The following USF3 variants were observed in gnomAD, a reference collection of about 807,000 sequenced individuals.
USF3 encodes upstream transcription factor family member 3, also known as basic helix-loop-helix domain-containing protein USF3.
USF3 carries 29 observed loss-of-function variants against 157.5 expected under a neutral mutation model. That is an observed-to-expected ratio of 0.18 (90% CI 0.14 to 0.25). The LOEUF is 0.25. Ranked by LOEUF, USF3 falls within the 10% of genes least tolerant of loss-of-function variation. The probability of loss-of-function intolerance (pLI) is 1.00; values close to 1 mark genes in which losing one functional copy is unlikely to be tolerated. For missense variants in USF3, 2,381 were observed against 2,667.6 expected, an observed-to-expected ratio of 0.89 and a Z score of 2.37; for synonymous variants, 893 against 941.4, an observed-to-expected ratio of 0.95 and a Z score of 0.94.
In USF3 at chr3:113,661,241, A is replaced by T. The variant is rs779823431; in HGVS notation, c.441T>A (p.Ile147=). 1.2e-6 allele frequency: 2 copies of T among 1,613,902 alleles called. No individual in the cohort carries two copies. Among genetic ancestry groups the T allele is most frequent in the South Asian group, 2.2e-5 (2 of 91,026 alleles). ...VIPSDQVQKK[I]IVYSNGNQPG... ...GCTGATTCCCGTTGGAATAAACAATAATTTTTTTTTGAACCTGGTCACTAG... is the reference window on the plus strand; with the variant it reads ...GCTGATTCCCGTTGGAATAAACAATTATTTTTTTTTGAACCTGGTCACTAG... The change falls in exon 7 of 7, where the codon ATT becomes ATA. Residue 147 remains isoleucine (I), a synonymous_variant. Coordinates refer to ENST00000316407, the MANE Select transcript of USF3 (RefSeq NM_001009899.4).
chr3:113,670,546 G>C (rs1186254057), intron 4 of USF3, among the ~76,000 whole-genome samples: 1 of 151,938 alleles, frequency 6.6e-6, no homozygotes, highest in Non-Finnish European at 1.5e-5. Context: ...GCTGCAGTGC[G>C]CTGAGATCAT....
In USF3 at chr3:113,659,207, G is replaced by C; in HGVS notation, c.2475C>G (p.Cys825Trp). ...NSVRDVSKLD[C>W]PNTEGSAEPP... ...GCTCTGCTGAGCCTTCAGTGTTGGG[G>C]CAGTCTAACTTGCTCACATCTCTGA... Residue 825 changes from cysteine (C) to tryptophan (W), a missense_variant, in exon 7 of 7, where the codon TGC becomes TGG. This residue lies in a region of USF3 where 1,435 missense variants were observed against 1,550.9 expected (regional missense o/e 0.93). Transcript: ENST00000316407. 1 of 1,614,150 alleles carries C rather than the reference G, an allele frequency of 6.2e-7. No individual in the cohort carries two copies. The highest frequency in any genetic ancestry group is 8.5e-7 in the Non-Finnish European group (1 of 1,180,012).
chr3:113,690,078 C>A (rs901723840), intron 1 of USF3, among the ~76,000 whole-genome samples: 1 of 152,172 alleles, frequency 6.6e-6, no homozygotes, highest in African/African-American at 2.4e-5. Flanking sequence ...GCATTTTGAA[C>A]AAATTAACAA....
rs996773885 is a variant in USF3 at position 113,659,363 on chromosome 3, A to G, written c.2319T>C (p.Tyr773=). 5 of 1,614,070 alleles carry G rather than the reference A, an allele frequency of 3.1e-6. No homozygotes were observed. The highest frequency in any genetic ancestry group is 4.5e-5 in the East Asian group (2 of 44,904). ...TCATTGAGGAAGTACTCACTAGATTATAAGTACTAGCTAGTGTGGCTGAAC... is the reference window on the plus strand; with the variant it reads ...TCATTGAGGAAGTACTCACTAGATTGTAAGTACTAGCTAGTGTGGCTGAAC... The part of the protein sequence containing the change: ...TDSSATLAST[Y]NLVSTSSMNT... Residue 773 remains tyrosine, a synonymous_variant, in exon 7 of 7, where the codon TAT becomes TAC. Coordinates refer to ENST00000316407, the MANE Select transcript of USF3 (RefSeq NM_001009899.4).
At chr3:113,694,329 T>G (rs1242846386) in intron 1 of USF3, among the ~76,000 whole-genome samples, 1 of 152,226 alleles carries the variant, frequency 6.6e-6, no homozygotes, top group Non-Finnish European at 1.5e-5. Flanking sequence ...AAGGCTAAGC[T>G]CTGAAAATAG....
At chr3:113,676,845 C>A (rs1707293870) in intron 2 of USF3, among the ~76,000 whole-genome samples, 1 of 151,970 alleles carries the variant, frequency 6.6e-6, no homozygotes, top group South Asian at 2.1e-4. Context: ...CTCAGAATCT[C>A]AGATGCTTCA....
intron 1 of USF3, among the ~76,000 whole-genome samples, chr3:113,693,515 G>A (rs9851812): frequency 0.33 from 49,720 of 152,050 alleles, 8,165 homozygotes; most frequent in Non-Finnish European, 0.35. Flanking sequence ...AAGGTATGAT[G>A]AAGCTACTAA....
chr3:113,678,791 A>G (rs1181574968), intron 1 of USF3, among the ~76,000 whole-genome samples: 1 of 152,168 alleles, frequency 6.6e-6, no homozygotes, highest in African/African-American at 2.4e-5. Flanking sequence ...TTTGTCATCC[A>G]GGCTGGTGTG....
chr3:113,654,864 TCATGTACATGTCTGTGCA>T lies in USF3; in HGVS notation c.*62_*79del. 7.0e-7 allele frequency: 1 copy of T among 1,429,174 alleles called. No homozygotes were observed. Among genetic ancestry groups the T allele is most frequent in the South Asian group, 1.4e-5 (1 of 72,666 alleles). The allele number at this position is 1,429,174 out of a possible 1,614,324, so 88.5% of individuals were successfully genotyped here. A position where few individuals can be genotyped will look rare whatever the true frequency, so the allele number is the denominator to read the frequency against. ...AGACACACACACACAATCCTTCTCT[TCATGTACATGTCTGTGCA>T]CATGCACGCACAAATACATTTGTAA... On this transcript the variant is annotated 3_prime_UTR_variant, in exon 7 of 7. Transcript: ENST00000316407.
rs759107626 is a variant in USF3, at chr3:113,655,103, C to T, written c.6579G>A (p.Leu2193=). 73 of 1,614,110 alleles carry T rather than the reference C, an allele frequency of 4.5e-5. No homozygotes were observed. In the Admixed American group the frequency reaches 5.5e-4, roughly 12 times the overall value. The change falls in exon 7 of 7, where the codon TTG becomes TTA. Residue 2193 remains leucine, a synonymous_variant. Transcript: ENST00000316407. Reference sequence around the variant, plus strand: ...GAAGCGCTGTGGCTATTTCTGGAAACAAAGATGTCATATTAAAATTGGATA... The same window carrying T: ...GAAGCGCTGTGGCTATTTCTGGAAATAAAGATGTCATATTAAAATTGGATA... ...SHLSNFNMTS[L]FPEIATALPD...
Position 113,659,085 on chromosome 3 carries a change from G to C in USF3, c.2597C>G (p.Ser866Cys). 6.2e-7 allele frequency: 1 copy of C among 1,614,142 alleles called. No individual in the cohort carries two copies. The highest frequency in any genetic ancestry group is 8.5e-7 in the Non-Finnish European group (1 of 1,179,986). Residue 866 changes from serine to cysteine, a missense_variant, in exon 7 of 7, where the codon TCT (serine) becomes TGT (cysteine). Transcript: ENST00000316407. ...ANSVSVSASHSLGVLSSESLI... is the reference protein window; with the variant it reads ...ANSVSVSASHCLGVLSSESLI... ...TGATTCAGAGCTTAGAACACCCAAA[G>C]AATGTGAAGCAGAAACACTCACACT...
intron 1 of USF3, among the ~76,000 whole-genome samples, chr3:113,683,607 T>C (rs1707485525): frequency 6.6e-6 from 1 of 151,748 alleles, no homozygotes; most frequent in Non-Finnish European, 1.5e-5. Context: ...TAGCCGGGAC[T>C]ACAGGCACGC....
intron 1 of USF3, among the ~76,000 whole-genome samples, chr3:113,689,122 A>C (rs1257026552): frequency 6.6e-6 from 1 of 152,258 alleles, no homozygotes; most frequent in Non-Finnish European, 1.5e-5. Context: ...GAAATTGTAC[A>C]GTAAATAGGA....
chr3:113,664,632 T>C lies in USF3; in HGVS notation c.160-223A>G, dbSNP rs559447025. On this transcript the variant is annotated intron_variant, in intron 5 of 6. Coordinates refer to ENST00000316407, the MANE Select transcript of USF3 (RefSeq NM_001009899.4). Reference sequence around the variant, plus strand: ...TCTGTTCTAGGCACTGGGGATATAATAGTAAAACAAACAAAGTCCCTGTCC... The same window carrying C: ...TCTGTTCTAGGCACTGGGGATATAACAGTAAAACAAACAAAGTCCCTGTCC... Among the ~76,000 whole-genome samples, 11 of 152,240 alleles carry C rather than the reference T, an allele frequency of 7.2e-5. 2 individuals carry two copies. Among genetic ancestry groups the C allele is most frequent in the African/African-American group, 2.6e-4 (11 of 41,536 alleles).
chr3:113,674,901 A>G lies in USF3; in HGVS notation c.-18-5T>C, dbSNP rs757402132. ...CATGGTTACAGTAATAGGAACCTAC[A>G]GAAGGATAGAAAGACACACCAGAAA... On this transcript the variant is annotated splice_polypyrimidine_tract_variant and splice_region_variant and intron_variant, in intron 2 of 6. Coordinates refer to ENST00000316407, the MANE Select transcript of USF3 (RefSeq NM_001009899.4). 2 of 1,589,088 alleles carry G rather than the reference A, an allele frequency of 1.3e-6. No homozygotes were observed. The highest frequency in any genetic ancestry group is 1.7e-5 in the Admixed American group (1 of 59,988).
At position 113,655,618 on chromosome 3, in the gene USF3, T is replaced by C; in HGVS notation, c.6064A>G (p.Met2022Val). The change falls in exon 7 of 7, where the codon ATG becomes GTG. Residue 2022 changes from methionine (M) to valine (V), a missense_variant. Physicochemically the swap from Met to Val is conservative, Grantham distance 21 (BLOSUM62 1). Transcript: ENST00000316407. ...PHLPLSTGGS[M>V]ILGRQQPATE... is the part of the protein sequence containing the mutation. ...GCAGGTTGTTGACGTCCAAGAATCA[T>C]ACTGCCACCAGTAGAGAGAGGAAGA... 1.9e-6 allele frequency: 3 copies of C among 1,614,186 alleles called. No individual in the cohort carries two copies. The highest frequency in any genetic ancestry group is 2.2e-5 in the South Asian group (2 of 91,080).
Position 113,655,206 on chromosome 3 carries a change from G to A in USF3, c.6476C>T (p.Pro2159Leu). The change falls in exon 7 of 7, where the codon CCC becomes CTC. Residue 2159 changes from proline (P) to leucine (L), a missense_variant. Transcript: ENST00000316407. Reference protein sequence around the residue: ...NNRFGSILSPPRPVGFAQPSF... With the variant: ...NNRFGSILSPLRPVGFAQPSF... ...TGGTTGAGCAAACCCAACAGGTCTGGGAGGAGATAAAATTGATCCAAATCG... is the reference window on the plus strand; with the variant it reads ...TGGTTGAGCAAACCCAACAGGTCTGAGAGGAGATAAAATTGATCCAAATCG... 1 of 1,614,176 alleles carries A rather than the reference G, an allele frequency of 6.2e-7. No individual in the cohort carries two copies. The highest frequency in any genetic ancestry group is 8.5e-7 in the Non-Finnish European group (1 of 1,180,030).
Position 113,658,821 on chromosome 3 carries a change from A to G in USF3, c.2861T>C (p.Leu954Ser). The change falls in exon 7 of 7, where the codon TTG becomes TCG. Residue 954 changes from leucine (L) to serine (S), a missense_variant. Around this residue, in one of 6 missense-constraint regions of USF3, gnomAD observed 1,435 missense variants for 1,550.9 expected, o/e 0.93. Transcript: ENST00000316407. ...TGACAAACCAGGAACCTGAGAAACC[A>G]AAATGTGAGGATCACTTGGAGATGG... ...LIPSPSDPHI[L>S]VSQVPGLSST... The G allele has an allele frequency of 1.9e-6, 3 of 1,614,184 alleles. No homozygotes were observed. Among genetic ancestry groups the G allele is most frequent in the Non-Finnish European group, 2.5e-6 (3 of 1,180,028 alleles).
At position 113,658,322 on chromosome 3, in the gene USF3, T is replaced by C; in HGVS notation, c.3360A>G (p.Thr1120=). The change falls in exon 7 of 7, where the codon ACA becomes ACG. Residue 1120 remains threonine (T), a synonymous_variant. Coordinates refer to ENST00000316407, the MANE Select transcript of USF3 (RefSeq NM_001009899.4). ...EDVTSNATTN[T]CDSCTFVEQT... is the part of the protein sequence containing the mutation. ...GCTCTACAAAGGTACAGCTGTCACA[T>C]GTATTAGTTGTTGCATTGCTGGTCA... The C allele has an allele frequency of 1.2e-6, 2 of 1,614,190 alleles. No individual in the cohort carries two copies. Among genetic ancestry groups the C allele is most frequent in the Middle Eastern group, 1.6e-4 (1 of 6,062 alleles).
Sources: allele counts gnomAD v4.1 joint callset (sites outside exome capture counted in the v4.1 genomes callset), GRCh38; gene constraint gnomAD v4.1.1; regional missense constraint gnomAD v4.1.1; transcripts MANE v1.5; gene names NCBI Gene and HGNC (gene_info 2026-07-23, HGNC 2026-07-21).